Variants in DDX19B observed in about 807,000 individuals in gnomAD.
The protein encoded by DDX19B is DEAD-box helicase 19B, also known as ATP-dependent RNA helicase DDX19B.
Under a neutral mutation model 58.1 loss-of-function variants are expected in DDX19B, and 27 were observed. That is an observed-to-expected ratio of 0.46 (90% CI 0.34 to 0.64). DDX19B has a LOEUF of 0.64. Among genes scored for constraint, DDX19B ranks in the 30% least tolerant of loss-of-function variants. The pLI is 0.01. For missense variants in DDX19B, 399 were observed against 596.5 expected (o/e 0.67, Z 3.45); for synonymous variants, 187 against 214.4 (o/e 0.87, Z 1.12).
upstream of DDX19B, among the ~76,000 whole-genome samples, chr16:70,294,622 C>G (rs796951684): frequency 1.3e-5 from 2 of 152,188 alleles, no homozygotes; most frequent in African/African-American, 4.8e-5. Flanking sequence ...TCATGGAGTT[C>G]CCAGTCTCAC....
chr16:70,319,807 A>T (rs934935324), intron 5 of DDX19B: 1 of 152,026 alleles, frequency 6.6e-6, no homozygotes, highest in African/African-American at 2.4e-5. Context: ...TAGGAGGATA[A>T]CCTGAGCCCA....
intron 1 of DDX19B, among the ~76,000 whole-genome samples, chr16:70,307,672 T>C (rs1464281222): frequency 1.4e-5 from 2 of 146,684 alleles, no homozygotes; most frequent in Non-Finnish European, 2.9e-5. Context: ...CATATGTATA[T>C]ATATGTGTGT....
At chr16:70,330,564 G>C (rs367869332) in intron 9 of DDX19B, among the ~76,000 whole-genome samples, 2 of 151,964 alleles carry the variant, frequency 1.3e-5, no homozygotes, top group South Asian at 2.1e-4. Context: ...CTCCAGCCTG[G>C]GTAACAAGAG....
At chr16:70,312,705 AT>A in intron 2 of DDX19B, 48 bp downstream of exon 2, 1 of 1,555,474 alleles carries the variant, frequency 6.4e-7, no homozygotes, top group Non-Finnish European at 8.8e-7. Context: ...TTCCTTCAGT[AT>A]TTTTGTTTTG....
chr16:70,295,430 C>G (rs978057598), upstream of DDX19B, among the ~76,000 whole-genome samples: 1 of 152,014 alleles, frequency 6.6e-6, no homozygotes, highest in South Asian at 2.1e-4. Context: ...CACGCCACCA[C>G]GCCCAGCTAC....
rs1242157527 is a variant in DDX19B, at chr16:70,329,365, G to A, written c.681G>A (p.Lys227=). The A allele has an allele frequency of 6.2e-7, 1 of 1,614,120 alleles. No homozygotes were observed. The highest frequency in any genetic ancestry group is 2.2e-5 in the East Asian group (1 of 44,896). ...GGACTGTGCTGGACTGGTGCTCCAAGCTCAAGTTCATTGATCCCAAGAAAA... is the reference window on the plus strand; with the variant it reads ...GGACTGTGCTGGACTGGTGCTCCAAACTCAAGTTCATTGATCCCAAGAAAA... ...TPGTVLDWCS[K]LKFIDPKKIK... is the part of the protein sequence containing the mutation. Residue 227 remains lysine (K), a synonymous_variant, in exon 8 of 12, where the codon AAG becomes AAA. Transcript: ENST00000288071.
chr16:70,289,915 AC>A, upstream of DDX19B: 1 of 366,082 alleles, frequency 2.7e-6, no homozygotes, highest in South Asian at 2.0e-5. Flanking sequence ...TGAGTGATAC[AC>A]AGCCCTCAAA....
At chr16:70,297,625 A>G (rs1299907166), upstream of DDX19B, among the ~76,000 whole-genome samples, 1 of 152,224 alleles carries the variant, frequency 6.6e-6, no homozygotes, top group Non-Finnish European at 1.5e-5. Flanking sequence ...GGAAGTAACA[A>G]GGGAAGAGAA....
intron 5 of DDX19B, among the ~76,000 whole-genome samples, chr16:70,321,537 T>C (rs1962813128): frequency 6.6e-6 from 1 of 152,240 alleles, no homozygotes; most frequent in African/African-American, 2.4e-5. Context: ...ACAGATACTA[T>C]GCTAGGCACT....
chr16:70,307,256 A>G (rs1961803665), intron 1 of DDX19B, among the ~76,000 whole-genome samples: 3 of 152,226 alleles, frequency 2.0e-5, no homozygotes, highest in South Asian at 2.1e-4. Flanking sequence ...GCTGGATTAT[A>G]TAGTAATTCT....
chr16:70,317,892 C>G, intron 5 of DDX19B: 1 of 205,356 alleles, frequency 4.9e-6, no homozygotes, highest in Non-Finnish European at 9.9e-6. Flanking sequence ...TTGCAGTGAA[C>G]CATGATCATA....
chr16:70,315,116 C>T (rs932685951), intron 3 of DDX19B, among the ~76,000 whole-genome samples, 161 bp downstream of exon 3: 1 of 151,900 alleles, frequency 6.6e-6, no homozygotes, highest in Middle Eastern at 3.2e-3. Context: ...GTGGCTTACA[C>T]CTGTAATCCC....
At chr16:70,293,454 A>G (rs74496820), upstream of DDX19B, among the ~76,000 whole-genome samples, 5 of 142,500 alleles carry the variant, frequency 3.5e-5, no homozygotes, top group South Asian at 2.2e-4. Context: ...AAACAAGTGG[A>G]AAAAAAAAAA....
chr16:70,305,440 AGTTT>A (rs1367671652), intron 1 of DDX19B, among the ~76,000 whole-genome samples: 3 of 152,196 alleles, frequency 2.0e-5, no homozygotes, highest in Non-Finnish European at 2.9e-5. Context: ...TGAACTGTGT[AGTTT>A]GTTATTTGTT....
At chr16:70,310,992 C>G (rs1279287883) in intron 1 of DDX19B, among the ~76,000 whole-genome samples, 1 of 149,786 alleles carries the variant, frequency 6.7e-6, no homozygotes, top group Non-Finnish European at 1.5e-5. Context: ...GATCAGGCCA[C>G]TGCACTCCAG....
chr16:70,291,190 A>G (rs767030844), upstream of DDX19B, among the ~76,000 whole-genome samples: 1 of 152,188 alleles, frequency 6.6e-6, no homozygotes, highest in African/African-American at 2.4e-5. Context: ...TCACAACCTT[A>G]TCATGAGTTA....
At chr16:70,329,662 G>T (rs1369945264) in intron 8 of DDX19B, among the ~76,000 whole-genome samples, 169 bp from the exon 9 acceptor site, 2 of 152,068 alleles carry the variant, frequency 1.3e-5, no homozygotes, top group African/African-American at 2.4e-5. Flanking sequence ...GGAGACCTAG[G>T]GACTCTCCCC....
At chr16:70,304,669 G>C (rs773767750) in intron 1 of DDX19B, among the ~76,000 whole-genome samples, 2 of 152,108 alleles carry the variant, frequency 1.3e-5, no homozygotes, top group Non-Finnish European at 2.9e-5. Flanking sequence ...CACCACTCCT[G>C]GCCAGAGCTG....
In DDX19B at chr16:70,299,321, G is replaced by T; in HGVS notation, c.24G>T (p.Leu8=). 6.2e-7 allele frequency: 1 copy of T among 1,607,938 alleles called. No homozygotes were observed. Among genetic ancestry groups the T allele is most frequent in the Non-Finnish European group, 8.5e-7 (1 of 1,177,672 alleles). MATDSWA[L]AVDEQEAAAE... Reference sequence around the variant, plus strand: ...CCATGGCCACTGACTCATGGGCCCTGGCGGTGGACGAGCAGGAAGCTGCGG... The same window carrying T: ...CCATGGCCACTGACTCATGGGCCCTTGCGGTGGACGAGCAGGAAGCTGCGG... Residue 8 remains leucine, a synonymous_variant, in exon 1 of 12, where the codon CTG becomes CTT. Transcript: ENST00000288071.
Sources: allele counts gnomAD v4.1 joint callset (sites outside exome capture counted in the v4.1 genomes callset), GRCh38; gene constraint gnomAD v4.1.1; transcripts MANE v1.5; gene names NCBI Gene and HGNC (gene_info 2026-07-23, HGNC 2026-07-21).